BAZ2B: variants seen among roughly 807,000 people sequenced by gnomAD.
The protein encoded by BAZ2B is bromodomain adjacent to zinc finger domain protein 2B.
BAZ2B carries 91 observed loss-of-function variants against 246.0 expected under a neutral mutation model. That is an observed-to-expected ratio of 0.37 (90% CI 0.31 to 0.44). BAZ2B has a LOEUF of 0.44. BAZ2B is among the 20% of genes least tolerant of loss of function. The probability of loss-of-function intolerance (pLI) is 1.00; values close to 1 mark genes in which losing one functional copy is unlikely to be tolerated. For missense variants in BAZ2B, 2,332 were observed against 2,533.7 expected (o/e 0.92, Z 1.71); for synonymous variants, 855 against 860.0 (o/e 0.99, Z 0.10).
At chr2:159,407,173 GA>G (rs1218992849) in intron 14 of BAZ2B, among the ~76,000 whole-genome samples, 1 of 151,310 alleles carries the variant, frequency 6.6e-6, no homozygotes, top group Admixed American at 6.6e-5. Context: ...GCATAGCCAA[GA>G]AAAAAACCCA....
intron 17 of BAZ2B, 99 bp from the exon 18 acceptor site, chr2:159,398,993 G>C: frequency 9.4e-7 from 1 of 1,066,418 alleles, no homozygotes; most frequent in African/African-American, 1.6e-5. Flanking sequence ...CACAAGGTAC[G>C]AAACAGTATG....
intron 1 of BAZ2B, among the ~76,000 whole-genome samples, chr2:159,577,786 G>T (rs975520845): frequency 5.3e-5 from 8 of 151,958 alleles, no homozygotes; most frequent in African/African-American, 1.7e-4. Context: ...GTACCTTAAT[G>T]GGAAGGAGAA....
At chr2:159,390,286 T>C (rs1435339316) in intron 20 of BAZ2B, among the ~76,000 whole-genome samples, 1 of 152,126 alleles carries the variant, frequency 6.6e-6, no homozygotes, top group Non-Finnish European at 1.5e-5. Context: ...TCCAAGTCCT[T>C]ACTTTTGAAT....
intron 2 of BAZ2B, among the ~76,000 whole-genome samples, chr2:159,498,268 T>TA (rs963565826): frequency 3.3e-5 from 5 of 151,842 alleles, no homozygotes; most frequent in African/African-American, 7.3e-5. Context: ...GATATAAGGG[T>TA]AAAAAAAAGC....
chr2:159,705,997 G>A, the BAZ2B span, among the ~76,000 whole-genome samples: 1 of 151,288 alleles, frequency 6.6e-6, no homozygotes, highest in Non-Finnish European at 1.5e-5. Flanking sequence ...AAAGTTAGAT[G>A]AAGATGCATG....
the BAZ2B span, among the ~76,000 whole-genome samples, chr2:159,655,815 C>T: frequency 6.6e-6 from 1 of 152,092 alleles, no homozygotes; most frequent in Admixed American, 6.6e-5. Flanking sequence ...TCTATAGATT[C>T]TATCTATCTA....
At chr2:159,548,438 T>G (rs2087675168) in intron 2 of BAZ2B, among the ~76,000 whole-genome samples, 1 of 152,206 alleles carries the variant, frequency 6.6e-6, no homozygotes, top group African/African-American at 2.4e-5. Flanking sequence ...ATGACTTAAC[T>G]ATCACTTACA....
intron 3 of BAZ2B, among the ~76,000 whole-genome samples, chr2:159,467,211 T>C (rs761111526): frequency 5.3e-5 from 8 of 152,178 alleles, no homozygotes; most frequent in Non-Finnish European, 7.4e-5. Flanking sequence ...GATTAGGTCA[T>C]GGAGGATGTG....
chr2:159,635,607 CT>C, the BAZ2B span, among the ~76,000 whole-genome samples: 185 of 143,914 alleles, frequency 1.3e-3, no homozygotes, highest in Middle Eastern at 0.011. Flanking sequence ...TAATTTGTTT[CT>C]TTTTTTTTTT....
chr2:159,632,538 G>T, the BAZ2B span, among the ~76,000 whole-genome samples: 12 of 152,050 alleles, frequency 7.9e-5, no homozygotes, highest in Non-Finnish European at 1.3e-4. Context: ...TTGTACTATG[G>T]CAAAGAAACA....
intron 6 of BAZ2B, 118 bp downstream of exon 6, chr2:159,446,663 TA>T (rs2074295693): frequency 5.6e-6 from 5 of 898,842 alleles, no homozygotes; most frequent in Non-Finnish European, 8.3e-6. Context: ...CACGTATCTA[TA>T]AAAATAAAAG....
rs2062149669 is a variant in BAZ2B, at chr2:159,382,796, T to C, written c.3768A>G (p.Arg1256=). 3.7e-6 allele frequency: 6 copies of C among 1,612,324 alleles called. No homozygotes were observed. The East Asian group carries it at 1.3e-4, about 36-fold the overall frequency. ...WVVEGKLRKL[R]IIHAKKTGKR... is the part of the protein sequence containing the mutation. The stretch of plus-strand genomic sequence containing the variant: ...TGCCTGTTTTCTTAGCATGAATGAT[T>C]CTGAGCCTTTAAATATTATGAAAAG... Residue 1256 remains arginine, a synonymous_variant, in exon 25 of 37, where the codon AGA becomes AGG. Transcript: ENST00000392783.
chr2:159,533,959 T>C (rs186903238), intron 2 of BAZ2B, among the ~76,000 whole-genome samples: 267 of 152,336 alleles, frequency 1.8e-3, no homozygotes, highest in African/African-American at 5.7e-3. Context: ...TGAACTGTAA[T>C]CTGAAAACTG....
At chr2:159,469,025 A>T (rs956805039) in intron 3 of BAZ2B, among the ~76,000 whole-genome samples, 1 of 146,984 alleles carries the variant, frequency 6.8e-6, no homozygotes, top group Non-Finnish European at 1.5e-5. Flanking sequence ...CACTCAGCCC[A>T]GGCGTTAGTT....
At chr2:159,432,618 G>T in intron 9 of BAZ2B, 139 bp downstream of exon 9, 3 of 1,149,970 alleles carry the variant, frequency 2.6e-6, no homozygotes, top group Non-Finnish European at 3.6e-6. Context: ...TGTATTTTAT[G>T]AGCTCATTAT....
Position 159,403,570 on chromosome 2 carries a change from A to G in BAZ2B, c.2832+1279T>C, listed in dbSNP as rs564446180. ...AATATGAACTTATTTTTTCATATAT[A>G]CTCTTTAGTAAATATATTTTAACGA... On this transcript the variant is annotated intron_variant, in intron 16 of 36. Transcript: ENST00000392783. Among the ~76,000 whole-genome samples the G allele has an allele frequency of 2.6e-5, 4 of 152,226 alleles. No homozygotes were observed. The East Asian group carries it at 5.8e-4, about 22-fold the overall frequency.
chr2:159,576,207 C>T (rs1434206949), intron 1 of BAZ2B, among the ~76,000 whole-genome samples: 1 of 152,134 alleles, frequency 6.6e-6, no homozygotes, highest in East Asian at 1.9e-4. Context: ...TGAGTCACAT[C>T]TCAGTTTCCT....
Position 159,428,389 on chromosome 2 carries a change from A to T in BAZ2B, c.2286T>A (p.Phe762Leu). ...CTACTTCTCCTTGAAGGCGCCCTCCAAAGTTTCTTATTCTTGTCTCTCTCT... is the reference window on the plus strand; with the variant it reads ...CTACTTCTCCTTGAAGGCGCCCTCCTAAGTTTCTTATTCTTGTCTCTCTCT... ...GWQRETRIRNFGGRLQGEVAY... is the reference protein window; with the variant it reads ...GWQRETRIRNLGGRLQGEVAY... The change falls in exon 12 of 37, where the codon TTT becomes TTA. Residue 762 changes from phenylalanine to leucine, a missense_variant. By Grantham distance (22) the Phe-to-Leu change is conservative. This residue lies in a region of BAZ2B where 651 missense variants were observed against 650.9 expected (regional missense o/e 1.00). Transcript: ENST00000392783. The T allele has an allele frequency of 5.0e-6, 8 of 1,613,316 alleles. No individual in the cohort carries two copies. Among genetic ancestry groups the T allele is most frequent in the South Asian group, 1.1e-5 (1 of 91,048 alleles).
chr2:159,479,356 C>T (rs1359124433), intron 2 of BAZ2B, among the ~76,000 whole-genome samples: 1 of 152,044 alleles, frequency 6.6e-6, no homozygotes, highest in Non-Finnish European at 1.5e-5. Context: ...ATGGTTGTAG[C>T]CTTGCATTGG....
Sources: gnomAD v4.1 joint callset for allele counts (sites outside exome capture counted in the v4.1 genomes callset) on GRCh38, gnomAD v4.1.1 for gene constraint, gnomAD v4.1.1 regional missense constraint, MANE v1.5 for transcripts, NCBI Gene and HGNC (gene_info 2026-07-23, HGNC 2026-07-21) for gene names.